Variants in FGFR4 observed in about 807,000 individuals in gnomAD.
FGFR4 encodes hydroxyaryl-protein kinase.
In FGFR4, 63 loss-of-function variants were observed where a neutral mutation model predicts 89.9. That is an observed-to-expected ratio of 0.70 (90% CI 0.57 to 0.86). The LOEUF is 0.86. Among genes scored for constraint, FGFR4 ranks in the 40% least tolerant of loss-of-function variants. FGFR4 has a pLI of 0.00. For synonymous variants in FGFR4, 486 were observed against 479.4 expected, an observed-to-expected ratio of 1.01 and a Z score of -0.18; for missense variants, 928 against 1,106.7, an observed-to-expected ratio of 0.84 and a Z score of 2.29.
chr5:177,090,060 G>A (rs1167923881), intron 2 of FGFR4: 2 of 665,446 alleles, frequency 3.0e-6, no homozygotes, highest in South Asian at 1.5e-5. Context: ...ATGCCCCGGT[G>A]CAGCATGACC....
rs769663575 is a variant in FGFR4 at position 177,092,307 on chromosome 5, C to T, written c.728-14C>T. ...TGCCGGTGGTCAGGGTTGACTGTCT[C>T]GCCCGGTCCCCAGAGCGGTCCCCGC... is the stretch of plus-strand genomic sequence containing the variant. On this transcript the variant is annotated splice_polypyrimidine_tract_variant and intron_variant, in intron 6 of 17. Transcript: ENST00000292408. 6.5e-6 allele frequency: 10 copies of T among 1,545,096 alleles called. No individual in the cohort carries two copies. The highest frequency in any genetic ancestry group is 2.3e-5 in the East Asian group (1 of 43,908).
chr5:177,093,879 C>A lies in FGFR4; in HGVS notation c.1519+104C>A. 7.7e-7 allele frequency: 1 copy of A among 1,298,210 alleles called. No individual in the cohort carries two copies. Among genetic ancestry groups the A allele is most frequent in the Non-Finnish European group, 1.1e-6 (1 of 951,096 alleles). 80.4% of individuals were successfully genotyped at this position (1,298,210 alleles called of 1,614,324 possible). ...TCCAGGAATTCGAGGCCAGCCTGGG[C>A]AACATGGCAAGACTTCATCTCTACA... On this transcript the variant is annotated intron_variant, in intron 11 of 17. Coordinates refer to ENST00000292408, the MANE Select transcript of FGFR4 (RefSeq NM_213647.3). This position sits in a 1 kb window ranked among gnomAD's most constrained non-coding sequence, Gnocchi z 5.8.
chr5:177,097,489 C>T (rs778338802), intron 17 of FGFR4, 38 bp from the exon 18 acceptor site: 160 of 1,605,132 alleles, frequency 1.0e-4, no homozygotes, highest in Non-Finnish European at 1.2e-4. Flanking sequence ...CGTCCCATCC[C>T]GGGCGCTGCA....
chr5:177,095,628 G>T lies in FGFR4; in HGVS notation c.1726G>T (p.Gly576Cys). ...CCCAGGCCCCGACCTCAGCCCCGAC[G>T]GTCCTCGGAGCAGTGAGGGGCCGCT... is the stretch of plus-strand genomic sequence containing the variant. ...RPPGPDLSPDGPRSSEGPLSF... is the reference protein window; with the variant it reads ...RPPGPDLSPDCPRSSEGPLSF... Residue 576 changes from glycine to cysteine, a missense_variant, in exon 13 of 18, where the codon GGT becomes TGT. By Grantham distance (159) the Gly-to-Cys change is radical. This residue lies in a region of FGFR4 where 741 missense variants were observed against 836.9 expected (regional missense o/e 0.89). Transcript: ENST00000292408. This position sits in a 1 kb window ranked among gnomAD's most constrained non-coding sequence, Gnocchi z 5.7. 3 of 1,605,868 alleles carry T rather than the reference G, an allele frequency of 1.9e-6. No individual in the cohort carries two copies. The highest frequency in any genetic ancestry group is 1.3e-5 in the African/African-American group (1 of 74,910).
chr5:177,094,226 C>T (rs1461087729), intron 11 of FGFR4, among the ~76,000 whole-genome samples: 1 of 152,124 alleles, frequency 6.6e-6, no homozygotes, highest in Non-Finnish European at 1.5e-5. Flanking sequence ...TGCAATTCAC[C>T]TCTGCTCCTG....
In FGFR4 at chr5:177,093,305, C is replaced by T. The variant is rs2149735491; in HGVS notation, c.1225C>T (p.Leu409Phe). 6.2e-7 allele frequency: 1 copy of T among 1,613,692 alleles called. No individual in the cohort carries two copies. Among genetic ancestry groups the T allele is most frequent in the Admixed American group, 1.7e-5 (1 of 60,032 alleles). ...HPRPPATVQK[L>F]SRFPLARQFS... ...CCGCCCGCCCGCCACTGTGCAGAAG[C>T]TCTCCCGCTTCCCTCTGGCCCGACA... Residue 409 changes from leucine to phenylalanine, a missense_variant, in exon 9 of 18, where the codon CTC (leucine) becomes TTC (phenylalanine). This residue lies in a region of FGFR4 where 741 missense variants were observed against 836.9 expected (regional missense o/e 0.89). Coordinates refer to ENST00000292408, the MANE Select transcript of FGFR4 (RefSeq NM_213647.3). This position sits in a 1 kb window ranked among gnomAD's most constrained non-coding sequence, Gnocchi z 5.8.
chr5:177,095,371 A>G lies in FGFR4; in HGVS notation c.1561A>G (p.Met521Val). 1 of 1,614,102 alleles carries G rather than the reference A, an allele frequency of 6.2e-7. No homozygotes were observed. The highest frequency in any genetic ancestry group is 8.5e-7 in the Non-Finnish European group (1 of 1,179,990). Residue 521 changes from methionine to valine, a missense_variant, in exon 12 of 18, where the codon ATG (methionine) becomes GTG (valine). Met to Val is a conservative substitution (Grantham distance 21). This residue lies in a region of FGFR4 where 741 missense variants were observed against 836.9 expected (regional missense o/e 0.89). Transcript: ENST00000292408. This position sits in a 1 kb window ranked among gnomAD's most constrained non-coding sequence, Gnocchi z 5.7. ...GGACCTGGCCGACCTGGTCTCGGAG[A>G]TGGAGGTGATGAAGCTGATCGGCCG... ...DKDLADLVSE[M>V]EVMKLIGRHK... is the part of the protein sequence containing the mutation.
intron 14 of FGFR4, 35 bp from the exon 15 acceptor site, chr5:177,096,252 T>A: frequency 1.9e-6 from 3 of 1,613,878 alleles, no homozygotes; most frequent in Non-Finnish European, 2.5e-6. Context: ...CGAGGACCTG[T>A]GGGACTCTGC....
chr5:177,093,173 G>T lies in FGFR4; in HGVS notation c.1093G>T (p.Ala365Ser), dbSNP rs1320464950. ...DPTWTAAAPE[A>S]RYTDIILYAS... ...CACATGGACCGCAGCAGCGCCCGAGGCCAGGTATACGGACATCATCCTGTA... is the reference window on the plus strand; with the variant it reads ...CACATGGACCGCAGCAGCGCCCGAGTCCAGGTATACGGACATCATCCTGTA... Residue 365 changes from alanine to serine, a missense_variant, in exon 9 of 18, where the codon GCC (alanine) becomes TCC (serine). Physicochemically the swap from Ala to Ser is moderately conservative, Grantham distance 99. Coordinates refer to ENST00000292408, the MANE Select transcript of FGFR4 (RefSeq NM_213647.3). The surrounding 1 kb of genome is among the most constrained non-coding windows in gnomAD (Gnocchi z 5.8). 1.2e-6 allele frequency: 2 copies of T among 1,613,936 alleles called. No individual in the cohort carries two copies. The highest frequency in any genetic ancestry group is 2.7e-5 in the African/African-American group (2 of 74,916).
chr5:177,093,823 T>TA lies in FGFR4; in HGVS notation c.1519+49dup. On this transcript the variant is annotated intron_variant, in intron 11 of 17. Coordinates refer to ENST00000292408, the MANE Select transcript of FGFR4 (RefSeq NM_213647.3). This position sits in a 1 kb window ranked among gnomAD's most constrained non-coding sequence, Gnocchi z 5.8. ...GCTCACACCTGTAACGCCAGCACTT[T>TA]AGGAGGCTGAGGGTGGGAGGATCGC... 1 of 1,577,336 alleles carries TA rather than the reference T, an allele frequency of 6.3e-7. No individual in the cohort carries two copies. Among genetic ancestry groups the TA allele is most frequent in the Admixed American group, 1.8e-5 (1 of 56,832 alleles).
intron 6 of FGFR4, among the ~76,000 whole-genome samples, chr5:177,092,087 G>T (rs1784387301): frequency 6.6e-6 from 1 of 152,236 alleles, no homozygotes; most frequent in African/African-American, 2.4e-5. Context: ...TATTCGTAGG[G>T]CGTGGCGTTT....
chr5:177,095,589 CG>C lies in FGFR4; in HGVS notation c.1690del (p.Ala564ProfsTer57). The part of the protein sequence containing the change: ...AAKGNLREFL[R>X]ARRPPGPDLS... ...CAAGGGAAACCTGCGGGAGTTCCTG[CG>C]GGCCCGGCGCCCCCCAGGCCCCGAC... is the stretch of plus-strand genomic sequence containing the variant. On this transcript the variant is annotated frameshift_variant, in exon 13 of 18. Coordinates refer to ENST00000292408, the MANE Select transcript of FGFR4 (RefSeq NM_213647.3). LOFTEE classifies it high-confidence loss of function. The surrounding 1 kb of genome is among the most constrained non-coding windows in gnomAD (Gnocchi z 5.7). 2 of 1,607,082 alleles carry C rather than the reference CG, an allele frequency of 1.2e-6. No individual in the cohort carries two copies. The highest frequency in any genetic ancestry group is 2.2e-5 in the South Asian group (2 of 90,216).
At chr5:177,096,925 C>G (rs1365940551) in intron 16 of FGFR4, among the ~76,000 whole-genome samples, 184 bp downstream of exon 16, 10 of 136,098 alleles carry the variant, frequency 7.3e-5, no homozygotes, top group Admixed American at 2.2e-4. Context: ...TCTTCCTCCT[C>G]CTCCTCTTCC....
chr5:177,096,825 C>T, intron 16 of FGFR4, 84 bp downstream of exon 16: 1 of 1,499,630 alleles, frequency 6.7e-7, no homozygotes, highest in African/African-American at 1.4e-5. Flanking sequence ...GTGTCCCGGC[C>T]AGAAGGACAA....
rs549732370 is a variant in FGFR4, at chr5:177,097,906, C to T, written c.*230C>T. 503 of 476,680 alleles carry T rather than the reference C, an allele frequency of 1.1e-3. 8 individuals are homozygous for T. The highest frequency in any genetic ancestry group is 9.2e-3 in the South Asian group (185 of 20,192). 29.5% of individuals were successfully genotyped at this position (476,680 alleles called of 1,614,324 possible). On this transcript the variant is annotated 3_prime_UTR_variant, in exon 18 of 18. Coordinates refer to ENST00000292408, the MANE Select transcript of FGFR4 (RefSeq NM_213647.3). ...GGACCTTGGCGCTTAGTCCCCATCC[C>T]GGGTTTGGCTGAGCCTGGCTGGAGA...
chr5:177,093,518 C>G lies in FGFR4; in HGVS notation c.1364C>G (p.Pro455Arg), dbSNP rs752347179. Residue 455 changes from proline (P) to arginine (R), a missense_variant, in exon 10 of 18, where the codon CCT (proline) becomes CGT (arginine). Pro to Arg is a moderately radical substitution (Grantham distance 103). Transcript: ENST00000292408. The surrounding 1 kb of genome is among the most constrained non-coding windows in gnomAD (Gnocchi z 5.8). ...LLAGLVSLDL[P>R]LDPLWEFPRD... The stretch of plus-strand genomic sequence containing the variant: ...GCCGGCCTCGTGAGTCTAGATCTAC[C>G]TCTCGACCCACTATGGGAGTTCCCC... 1 of 1,613,796 alleles carries G rather than the reference C, an allele frequency of 6.2e-7. No homozygotes were observed. Among genetic ancestry groups the G allele is most frequent in the African/African-American group, 1.3e-5 (1 of 74,952 alleles).
Position 177,095,840 on chromosome 5 carries a change from TC to T in FGFR4, c.1821+121del. ...TCTTTTTCATGACCCCACCTCAGTG[TC>T]CCCAGGCATTCACGCTTTCCTGCAT... is the stretch of plus-strand genomic sequence containing the variant. On this transcript the variant is annotated intron_variant, in intron 13 of 17. Coordinates refer to ENST00000292408, the MANE Select transcript of FGFR4 (RefSeq NM_213647.3). This position sits in a 1 kb window ranked among gnomAD's most constrained non-coding sequence, Gnocchi z 5.7. The T allele has an allele frequency of 7.9e-7, 1 of 1,268,176 alleles. No homozygotes were observed. The highest frequency in any genetic ancestry group is 1.1e-6 in the Non-Finnish European group (1 of 935,878). The allele number at this position is 1,268,176 out of a possible 1,614,324, so 78.6% of individuals were successfully genotyped here. A position where few individuals can be genotyped will look rare whatever the true frequency, so the allele number is the denominator to read the frequency against.
Position 177,093,116 on chromosome 5 carries a change from G to A in FGFR4, c.1058-22G>A, listed in dbSNP as rs1250058278. 6 of 1,613,956 alleles carry A rather than the reference G, an allele frequency of 3.7e-6. No individual in the cohort carries two copies. In the South Asian group the frequency reaches 4.4e-5, roughly 12 times the overall value. On this transcript the variant is annotated intron_variant, in intron 8 of 17. Coordinates refer to ENST00000292408, the MANE Select transcript of FGFR4 (RefSeq NM_213647.3). This position sits in a 1 kb window ranked among gnomAD's most constrained non-coding sequence, Gnocchi z 5.8. ...ACCACTGACCAGTTTGTCTGTCTGT[G>A]TGTGTCCATGTGCGAGGGCAGAGGA...
At position 177,096,368 on chromosome 5, in the gene FGFR4, C is replaced by A; in HGVS notation, c.2015+11C>A. On this transcript the variant is annotated intron_variant, in intron 15 of 17. Transcript: ENST00000292408. Reference sequence around the variant, plus strand: ...ACACCAGAGTGACGTGTGAGTCCTGCCGGCGGTCACTGTCCTACCCCACAA... The same window carrying A: ...ACACCAGAGTGACGTGTGAGTCCTGACGGCGGTCACTGTCCTACCCCACAA... The A allele has an allele frequency of 6.2e-7, 1 of 1,613,788 alleles. No individual in the cohort carries two copies. Among genetic ancestry groups the A allele is most frequent in the Non-Finnish European group, 8.5e-7 (1 of 1,179,880 alleles).
Sources: gnomAD v4.1 joint callset for allele counts (sites outside exome capture counted in the v4.1 genomes callset) on GRCh38, gnomAD v4.1.1 for gene constraint, gnomAD v4.1.1 regional missense constraint, Gnocchi (gnomAD v3.1) non-coding constraint, MANE v1.5 for transcripts, NCBI Gene and HGNC (gene_info 2026-07-23, HGNC 2026-07-21) for gene names.